The following WDR33 variants were observed in gnomAD, a reference collection of about 807,000 sequenced individuals.
WDR33 encodes the protein WD repeat domain 33, also known as pre-mRNA 3' end processing protein WDR33.
In WDR33, 47 loss-of-function variants were observed where a neutral mutation model predicts 164.9. The observed-to-expected ratio is 0.29, with a 90% CI of 0.23 to 0.36. The LOEUF is 0.36. Ranked by LOEUF, WDR33 falls within the 10% of genes least tolerant of loss-of-function variation. The probability of loss-of-function intolerance (pLI) is 1.00; values close to 1 mark genes in which losing one functional copy is unlikely to be tolerated. For synonymous variants in WDR33, 505 were observed against 589.0 expected (o/e 0.86, Z 2.06); for missense variants, 1,137 against 1,754.1 (o/e 0.65, Z 6.28).
At chr2:127,784,538 T>C (rs1688494015) in intron 1 of WDR33, among the ~76,000 whole-genome samples, 1 of 152,012 alleles carries the variant, frequency 6.6e-6, no homozygotes, top group South Asian at 2.1e-4. Context: ...ACGTGACACC[T>C]CACCTGGCCA....
At chr2:127,729,467 C>CA (rs1686649490) in intron 7 of WDR33, among the ~76,000 whole-genome samples, 1 of 151,800 alleles carries the variant, frequency 6.6e-6, no homozygotes, top group African/African-American at 2.4e-5. Context: ...ACCTAGCAGA[C>CA]AGTGAATTGG....
rs192854055 is a variant in WDR33 at position 127,769,842 on chromosome 2, C to T, written c.205-841G>A. Among the ~76,000 whole-genome samples, 260 of 152,250 alleles carry T rather than the reference C, an allele frequency of 1.7e-3. 3 individuals carry two copies. Among genetic ancestry groups the T allele is most frequent in the South Asian group, 7.0e-3 (34 of 4,824 alleles). ...GGAGGCCAGACCTAAACCCAATGAACCTAATAGGTAATATTAGTAATAAGG... is the reference window on the plus strand; with the variant it reads ...GGAGGCCAGACCTAAACCCAATGAATCTAATAGGTAATATTAGTAATAAGG... On this transcript the variant is annotated intron_variant, in intron 2 of 21. Coordinates refer to ENST00000322313, the MANE Select transcript of WDR33 (RefSeq NM_018383.5).
rs1686022502 is a variant in WDR33 at position 127,706,630 on chromosome 2, C to T, written c.3782-78G>A. 1 of 1,348,270 alleles carries T rather than the reference C, an allele frequency of 7.4e-7. No homozygotes were observed. Among genetic ancestry groups the T allele is most frequent in the African/African-American group, 1.5e-5 (1 of 68,864 alleles). The allele number at this position is 1,348,270 out of a possible 1,614,324, so 83.5% of individuals were successfully genotyped here. On this transcript the variant is annotated intron_variant, in intron 21 of 21. Coordinates refer to ENST00000322313, the MANE Select transcript of WDR33 (RefSeq NM_018383.5). This position sits in a 1 kb window ranked among gnomAD's most constrained non-coding sequence, Gnocchi z 5.1. ...AGTAACTCCCAGTACAAACTTTACT[C>T]TCTGATGACAATGGACCAGTTCTGG...
rs916268557 is a variant in WDR33, at chr2:127,716,982, C to T, written c.2869+173G>A. ...CCTCTGGGGTGAGGGGCTTACTAAA[C>T]AGATCCAAGAACACAACCAAAGACA... is the stretch of plus-strand genomic sequence containing the variant. On this transcript the variant is annotated intron_variant, in intron 17 of 21. Transcript: ENST00000322313. This position sits in a 1 kb window ranked among gnomAD's most constrained non-coding sequence, Gnocchi z 4.5. 6.6e-6 allele frequency among the ~76,000 whole-genome samples: 1 copy of T among 152,220 alleles called. No homozygotes were observed. The highest frequency in any genetic ancestry group is 1.9e-4 in the East Asian group (1 of 5,206).
Position 127,763,560 on chromosome 2 carries a change from A to G in WDR33, c.627-401T>C. ...GAATACTGCTCCCAAAATTATCATC[A>G]GCTTCTGCCTCAGACACTTCATGAA... On this transcript the variant is annotated intron_variant, in intron 6 of 21. Transcript: ENST00000322313. The surrounding 1 kb of genome is among the most constrained non-coding windows in gnomAD (Gnocchi z 4.5). 2.0e-6 allele frequency: 2 copies of G among 1,014,292 alleles called. No individual in the cohort carries two copies. The highest frequency in any genetic ancestry group is 2.4e-6 in the Non-Finnish European group (2 of 847,576). 62.8% of individuals were successfully genotyped at this position (1,014,292 alleles called of 1,614,324 possible). A position where few individuals can be genotyped will look rare whatever the true frequency, so the allele number is the denominator to read the frequency against.
rs146492986 is a variant in WDR33, at chr2:127,746,586, G to T, written c.724+16476C>A. 3.3e-5 allele frequency among the ~76,000 whole-genome samples: 5 copies of T among 152,310 alleles called. No homozygotes were observed. In the East Asian group the frequency reaches 9.6e-4, roughly 29 times the overall value. On this transcript the variant is annotated intron_variant, in intron 7 of 21. Transcript: ENST00000322313. ...ATCATTAGCTCTCCTTTACAGACGAGGAGAGGCAAGCTGAGAAAGACTTGA... is the reference window on the plus strand; with the variant it reads ...ATCATTAGCTCTCCTTTACAGACGATGAGAGGCAAGCTGAGAAAGACTTGA...
rs1367209527 is a variant in WDR33 at position 127,735,396 on chromosome 2, T to C, written c.725-8619A>G. 1 of 985,698 alleles carries C rather than the reference T, an allele frequency of 1.0e-6. No individual in the cohort carries two copies. The highest frequency in any genetic ancestry group is 1.2e-6 in the Non-Finnish European group (1 of 829,928). 61.1% of individuals were successfully genotyped at this position (985,698 alleles called of 1,614,324 possible). A position where few individuals can be genotyped will look rare whatever the true frequency, so the allele number is the denominator to read the frequency against. On this transcript the variant is annotated intron_variant, in intron 7 of 21. Coordinates refer to ENST00000322313, the MANE Select transcript of WDR33 (RefSeq NM_018383.5). The surrounding 1 kb of genome is among the most constrained non-coding windows in gnomAD (Gnocchi z 4.3). Reference sequence around the variant, plus strand: ...GAACAGTCTGAAAACCAATACATAATAAGTTTTATTTGAAGGTCAGAAATG... The same window carrying C: ...GAACAGTCTGAAAACCAATACATAACAAGTTTTATTTGAAGGTCAGAAATG...
chr2:127,798,762 TAA>T, intron 1 of WDR33: 1 of 152,204 alleles, frequency 6.6e-6, no homozygotes. Flanking sequence ...AACAAATATC[TAA>T]AAAAGTCGTG....
At chr2:127,715,681 G>A (rs1005644838) in intron 17 of WDR33, among the ~76,000 whole-genome samples, 1 of 152,180 alleles carries the variant, frequency 6.6e-6, no homozygotes, top group Non-Finnish European at 1.5e-5. Context: ...CTCAGACACA[G>A]CAGACCTTTG....
intron 7 of WDR33, among the ~76,000 whole-genome samples, chr2:127,743,832 C>G (rs891013988): frequency 1.3e-5 from 2 of 152,180 alleles, no homozygotes; most frequent in African/African-American, 2.4e-5. Flanking sequence ...GTGAATAACA[C>G]TCAATTCCTC....
chr2:127,738,120 C>T lies in WDR33; in HGVS notation c.725-11343G>A. Reference sequence around the variant, plus strand: ...GCAGGCAGGTATCTATCACATGAGCCCTGGCAGATTGTGTAATTTCCAGAT... The same window carrying T: ...GCAGGCAGGTATCTATCACATGAGCTCTGGCAGATTGTGTAATTTCCAGAT... On this transcript the variant is annotated intron_variant, in intron 7 of 21. Coordinates refer to ENST00000322313, the MANE Select transcript of WDR33 (RefSeq NM_018383.5). This position sits in a 1 kb window ranked among gnomAD's most constrained non-coding sequence, Gnocchi z 4.4. 1.4e-6 allele frequency: 2 copies of T among 1,448,982 alleles called. No individual in the cohort carries two copies. Among genetic ancestry groups the T allele is most frequent in the Non-Finnish European group, 1.9e-6 (2 of 1,080,314 alleles). 89.8% of individuals were successfully genotyped at this position (1,448,982 alleles called of 1,614,324 possible).
intron 7 of WDR33, among the ~76,000 whole-genome samples, chr2:127,732,950 A>G (rs1445050103): frequency 1.3e-5 from 2 of 152,240 alleles, no homozygotes; most frequent in Non-Finnish European, 2.9e-5. Context: ...TTCATGATAC[A>G]ATCATTCCAG....
chr2:127,717,234 CA>C lies in WDR33; in HGVS notation c.2789del (p.Leu930ArgfsTer5). Reference sequence around the variant, plus strand: ...CTCCCTGCTGCCCTAGGCCTGGTATCAGGGGTGGGGGGCCTGTGCTCTGTCC... The same window carrying C: ...CTCCCTGCTGCCCTAGGCCTGGTATCGGGGTGGGGGGCCTGTGCTCTGTCC... ...QEGQSTGPPP[L>X]IPGLGQQGAQ... On this transcript the variant is annotated frameshift_variant, in exon 17 of 22. Transcript: ENST00000322313. LOFTEE classifies it high-confidence loss of function. This position sits in a 1 kb window ranked among gnomAD's most constrained non-coding sequence, Gnocchi z 5.6. 1.2e-6 allele frequency: 2 copies of C among 1,604,638 alleles called. No individual in the cohort carries two copies. The highest frequency in any genetic ancestry group is 1.7e-6 in the Non-Finnish European group (2 of 1,175,876).
chr2:127,738,971 T>C lies in WDR33; in HGVS notation c.725-12194A>G, dbSNP rs1686939161. 6.6e-6 allele frequency among the ~76,000 whole-genome samples: 1 copy of C among 152,068 alleles called. No homozygotes were observed. The highest frequency in any genetic ancestry group is 2.4e-5 in the African/African-American group (1 of 41,404). Reference sequence around the variant, plus strand: ...TCCCGTTATAAATGTAAACATGAAATAAAAGACACACAAGAACCTTAAAAA... The same window carrying C: ...TCCCGTTATAAATGTAAACATGAAACAAAAGACACACAAGAACCTTAAAAA... On this transcript the variant is annotated intron_variant, in intron 7 of 21. Transcript: ENST00000322313. The surrounding 1 kb of genome is among the most constrained non-coding windows in gnomAD (Gnocchi z 4.4).
chr2:127,773,742 A>G (rs1688088327), intron 1 of WDR33, among the ~76,000 whole-genome samples: 1 of 152,118 alleles, frequency 6.6e-6, no homozygotes. Context: ...TGGGCCAGTA[A>G]TTCTAAAATA....
At chr2:127,715,469 G>A (rs184207747) in intron 17 of WDR33, among the ~76,000 whole-genome samples, 3 of 152,190 alleles carry the variant, frequency 2.0e-5, no homozygotes. Flanking sequence ...GGAAATCTCA[G>A]GATAAAAATG....
intron 1 of WDR33, among the ~76,000 whole-genome samples, chr2:127,796,071 TTA>T (rs1689028423): frequency 7.5e-6 from 1 of 133,556 alleles, no homozygotes; most frequent in Non-Finnish European, 1.6e-5. Flanking sequence ...GTGATTACTG[TTA>T]ATTTTTTTTT....
Position 127,709,389 on chromosome 2 carries a change from G to T in WDR33, c.3565+101C>A. On this transcript the variant is annotated intron_variant, in intron 20 of 21. Coordinates refer to ENST00000322313, the MANE Select transcript of WDR33 (RefSeq NM_018383.5). The surrounding 1 kb of genome is among the most constrained non-coding windows in gnomAD (Gnocchi z 5.0). ...GACAGCCCAGCCCCCCGGGAGACAT[G>T]AGCTGGAAAGAGGAGACCCGGTGCA... 8.8e-7 allele frequency: 1 copy of T among 1,136,030 alleles called. No homozygotes were observed. The highest frequency in any genetic ancestry group is 1.3e-6 in the Non-Finnish European group (1 of 762,896). The allele number at this position is 1,136,030 out of a possible 1,614,324, so 70.4% of individuals were successfully genotyped here. A position where few individuals can be genotyped will look rare whatever the true frequency, so the allele number is the denominator to read the frequency against.
chr2:127,799,700 C>T (rs1476388087), intron 1 of WDR33, among the ~76,000 whole-genome samples: 5 of 152,172 alleles, frequency 3.3e-5, no homozygotes, highest in Non-Finnish European at 7.3e-5. Context: ...GAGGCTGAAG[C>T]AGGAGAATCG....
Sources: allele counts gnomAD v4.1 joint callset (sites outside exome capture counted in the v4.1 genomes callset), GRCh38; gene constraint gnomAD v4.1.1; non-coding constraint Gnocchi (gnomAD v3.1); transcripts MANE v1.5; gene names NCBI Gene and HGNC (gene_info 2026-07-23, HGNC 2026-07-21).